Variants in GRIA3 observed in about 807,000 individuals in gnomAD.
GRIA3 encodes the protein glutamate ionotropic receptor AMPA type subunit 3.
GRIA3 carries 3 observed loss-of-function variants against 63.0 expected under a neutral mutation model. That is an observed-to-expected ratio of 0.05 (90% confidence interval 0.02 to 0.12). GRIA3 has a LOEUF of 0.12. Among genes scored for constraint, GRIA3 ranks in the 10% least tolerant of loss-of-function variants. The probability of loss-of-function intolerance (pLI) is 1.00; values close to 1 mark genes in which losing one functional copy is unlikely to be tolerated. For synonymous variants in GRIA3, 274 were observed against 257.9 expected (o/e 1.06, Z -0.60); for missense variants, 347 against 700.9 (o/e 0.50, Z 5.70).
chrX:123,230,540 G>A (rs147864941), intron 2 of GRIA3, among the ~76,000 whole-genome samples: 2,582 of 111,209 alleles, frequency 0.023, 78 homozygotes, highest in African/African-American at 0.081. Context: ...GCATATAGGA[G>A]CATTTTGGTA....
intron 14 of GRIA3, among the ~76,000 whole-genome samples, chrX:123,480,888 G>A (rs998688164): frequency 8.1e-5 from 9 of 111,256 alleles, no homozygotes; most frequent in Middle Eastern, 4.3e-3. Context: ...ACTCTTCCCC[G>A]CCTCCTTCCT....
intron 5 of GRIA3, among the ~76,000 whole-genome samples, chrX:123,368,221 CAGAG>C (rs1187452678): frequency 9.0e-6 from 1 of 111,366 alleles, no homozygotes; most frequent in Middle Eastern, 4.2e-3. Flanking sequence ...GTGTTATTAT[CAGAG>C]AGGAGGAGTG....
intron 12 of GRIA3, among the ~76,000 whole-genome samples, chrX:123,453,537 TAATAAAA>T (rs1236525575): frequency 4.5e-5 from 5 of 110,372 alleles, no homozygotes; most frequent in African/African-American, 1.7e-4. Context: ...ACTGAAAGTA[TAATAAAA>T]AATAAAAAAT....
chrX:123,387,806 G>A (rs2045361798), intron 5 of GRIA3, among the ~76,000 whole-genome samples: 1 of 112,071 alleles, frequency 8.9e-6, no homozygotes, highest in South Asian at 3.8e-4. Context: ...TGTATCTTTT[G>A]GATAGATTGT....
chrX:123,362,267 CT>C (rs2045180215), intron 5 of GRIA3, among the ~76,000 whole-genome samples: 1 of 111,827 alleles, frequency 8.9e-6, no homozygotes, highest in Non-Finnish European at 1.9e-5. Flanking sequence ...ATAATTGCCA[CT>C]GAGATAGAAC....
At chrX:123,276,938 C>A (rs1028431589) in intron 3 of GRIA3, among the ~76,000 whole-genome samples, 2 of 111,029 alleles carry the variant, frequency 1.8e-5, no homozygotes, top group African/African-American at 6.5e-5. Context: ...GTTTAATTAC[C>A]CACATTGCAA....
chrX:123,260,426 CAGAAAGAA>C (rs1228813293), intron 3 of GRIA3, among the ~76,000 whole-genome samples: 2 of 7,350 alleles, frequency 2.7e-4, no homozygotes, highest in African/African-American at 7.2e-4. Flanking sequence ...GACAGACAGA[CAGAAAGAA>C]AGAAAGAAAG....
chrX:123,378,599 G>A (rs1406988922), intron 5 of GRIA3, among the ~76,000 whole-genome samples: 1 of 109,416 alleles, frequency 9.1e-6, no homozygotes, highest in Non-Finnish European at 1.9e-5. Context: ...TAGTAGAGAT[G>A]AGGGTTTCAG....
chrX:123,236,068 C>G (rs918336209), intron 2 of GRIA3, among the ~76,000 whole-genome samples: 2 of 111,292 alleles, frequency 1.8e-5, no homozygotes, highest in African/African-American at 6.5e-5. Context: ...ACCAAAAGAC[C>G]CTTTCATAAC....
chrX:123,263,982 C>T (rs368750270), intron 3 of GRIA3, among the ~76,000 whole-genome samples: 45 of 111,723 alleles, frequency 4.0e-4, no homozygotes, highest in South Asian at 2.3e-3. Context: ...AATAGCTTTC[C>T]CCTCCCCCTA....
intron 2 of GRIA3, among the ~76,000 whole-genome samples, chrX:123,191,187 G>T (rs1927424415): frequency 8.9e-6 from 1 of 112,421 alleles, no homozygotes; most frequent in African/African-American, 3.2e-5. Context: ...TATCTTCAAT[G>T]AAGGTCAAGC....
intron 5 of GRIA3, among the ~76,000 whole-genome samples, chrX:123,392,958 C>T (rs2045394593): frequency 8.9e-6 from 1 of 112,161 alleles, no homozygotes; most frequent in African/African-American, 3.2e-5. Flanking sequence ...AGACTTTCTA[C>T]ACAAGTGAGG....
At chrX:123,349,721 G>A (rs954989740) in intron 4 of GRIA3, among the ~76,000 whole-genome samples, 5 of 112,548 alleles carry the variant, frequency 4.4e-5, no homozygotes, top group African/African-American at 1.6e-4. Context: ...ATTCAAGTCA[G>A]ATGACTGCAA....
In GRIA3 at chrX:123,398,276, G is replaced by GTGCTGTTTCCTC. The variant is rs2045424619; in HGVS notation, c.913-358_913-347dup. Among the ~76,000 whole-genome samples the GTGCTGTTTCCTC allele has an allele frequency of 2.7e-5, 3 of 112,043 alleles. No individual in the cohort carries two copies. The South Asian group carries it at 1.1e-3, about 42-fold the overall frequency. On this transcript the variant is annotated intron_variant, in intron 6 of 15. Transcript: ENST00000620443. Reference sequence around the variant, plus strand: ...CAGTAACCCAGTCTTGCTTTAGGATGTGCTGTTTCCTCTCCAGTCTATACA... The same window carrying GTGCTGTTTCCTC: ...CAGTAACCCAGTCTTGCTTTAGGATGTGCTGTTTCCTCTGCTGTTTCCTCTCCAGTCTATACA...
chrX:123,278,504 A>T (rs1345613058), intron 3 of GRIA3, among the ~76,000 whole-genome samples: 1 of 111,934 alleles, frequency 8.9e-6, no homozygotes, highest in Non-Finnish European at 1.9e-5. Flanking sequence ...TGCCTACACC[A>T]ATGTCCTGAA....
At chrX:123,205,499 A>G (rs924976902) in intron 2 of GRIA3, among the ~76,000 whole-genome samples, 14 of 112,134 alleles carry the variant, frequency 1.2e-4, no homozygotes, top group Non-Finnish European at 2.1e-4. Flanking sequence ...AATGTTCAGT[A>G]CTTCCTAGGC....
At chrX:123,444,411 A>C (rs1164874789) in intron 12 of GRIA3, among the ~76,000 whole-genome samples, 1 of 112,263 alleles carries the variant, frequency 8.9e-6, no homozygotes, top group Non-Finnish European at 1.9e-5. Context: ...CTGTAGCCAG[A>C]AGCACAACCC....
intron 5 of GRIA3, among the ~76,000 whole-genome samples, chrX:123,368,980 G>T (rs1273484293): frequency 9.0e-6 from 1 of 110,940 alleles, no homozygotes; most frequent in Admixed American, 9.6e-5. Flanking sequence ...GAAAACAGGG[G>T]ATCAAAATTC....
intron 12 of GRIA3, among the ~76,000 whole-genome samples, chrX:123,459,836 GA>G (rs1032733519): frequency 5.5e-5 from 6 of 108,749 alleles, no homozygotes; most frequent in Non-Finnish European, 7.7e-5. Flanking sequence ...AAAAAGGAAA[GA>G]AAAAAAGAGG....
Sources: gnomAD v4.1 joint callset for allele counts (sites outside exome capture counted in the v4.1 genomes callset) on GRCh38, gnomAD v4.1.1 for gene constraint, MANE v1.5 for transcripts, NCBI Gene and HGNC (gene_info 2026-07-23, HGNC 2026-07-21) for gene names.